The following MID1 variants were observed in gnomAD, a reference collection of about 807,000 sequenced individuals.
MID1 encodes E3 ubiquitin-protein ligase Midline-1.
Under a neutral mutation model 40.4 loss-of-function variants are expected in MID1, and 7 were observed. The observed-to-expected ratio is 0.17, with a 90% CI of 0.10 to 0.33. The LOEUF (loss-of-function observed/expected upper bound fraction) is 0.33. MID1 is among the 10% of genes least tolerant of loss of function. MID1 has a pLI of 1.00. For missense variants in MID1, 367 were observed against 558.5 expected, an observed-to-expected ratio of 0.66 and a Z score of 3.46; for synonymous variants, 229 against 221.2, an observed-to-expected ratio of 1.04 and a Z score of -0.31.
In MID1 at chrX:10,591,576, C is replaced by T. The variant is rs770000806; in HGVS notation, c.-56-23973G>A. Among the ~76,000 whole-genome samples the T allele has an allele frequency of 7.2e-5, 8 of 111,845 alleles. No individual in the cohort carries two copies. The East Asian group carries it at 1.1e-3, about 16-fold the overall frequency. Reference sequence around the variant, plus strand: ...ATGGCAAGGATGCTGGTGACTTCACCGAAGGGAGCTTTATTGTGCCGGAGC... The same window carrying T: ...ATGGCAAGGATGCTGGTGACTTCACTGAAGGGAGCTTTATTGTGCCGGAGC... On this transcript the variant is annotated intron_variant, in intron 1 of 9. Coordinates refer to ENST00000317552, the MANE Select transcript of MID1 (RefSeq NM_000381.4).
chrX:10,608,596 G>A (rs763331312), intron 1 of MID1, among the ~76,000 whole-genome samples: 1 of 111,362 alleles, frequency 9.0e-6, no homozygotes, highest in Non-Finnish European at 1.9e-5. Flanking sequence ...GTAAGGGGTG[G>A]GTAAAGGGTG....
At position 10,597,826 on chromosome X, in the gene MID1, G is replaced by C. The variant is rs767657633; in HGVS notation, c.-57+22464C>G. Among the ~76,000 whole-genome samples the C allele has an allele frequency of 7.2e-5, 8 of 111,142 alleles. No individual in the cohort carries two copies. In the South Asian group the frequency reaches 2.7e-3, roughly 37 times the overall value. On this transcript the variant is annotated intron_variant, in intron 1 of 9. Transcript: ENST00000317552. ...GAATACATTTTTAACTCATTTCTTA[G>C]TTGCAGAAACCAAGGTTCCAAGCAG...
At chrX:10,576,312 A>G (rs1453943565) in intron 1 of MID1, among the ~76,000 whole-genome samples, 1 of 111,251 alleles carries the variant, frequency 9.0e-6, no homozygotes, top group Admixed American at 9.6e-5. Context: ...ACATTCTTTA[A>G]AATAATCACA....
intron 1 of MID1, among the ~76,000 whole-genome samples, chrX:10,793,185 C>T (rs1022829213): frequency 8.9e-6 from 1 of 112,609 alleles, no homozygotes; most frequent in Non-Finnish European, 1.9e-5. Context: ...GTCATGGACA[C>T]CTGATCTGCT....
chrX:10,809,006 G>A (rs1365428871), intron 1 of MID1, among the ~76,000 whole-genome samples: 3 of 111,108 alleles, frequency 2.7e-5, no homozygotes, highest in Non-Finnish European at 5.7e-5. Context: ...CAGAATGGGG[G>A]AAAAATTTTG....
intron 1 of MID1, among the ~76,000 whole-genome samples, chrX:10,662,092 G>T (rs752305177): frequency 8.9e-6 from 1 of 111,774 alleles, no homozygotes; most frequent in Admixed American, 9.5e-5. Flanking sequence ...ATCACCTGAG[G>T]TCAGGAGTTT....
intron 1 of MID1, among the ~76,000 whole-genome samples, chrX:10,572,649 A>C (rs1275821765): frequency 8.9e-6 from 1 of 111,781 alleles, no homozygotes; most frequent in Non-Finnish European, 1.9e-5. Flanking sequence ...CCTCAAAAAA[A>C]AAAAAAAACT....
intron 1 of MID1, among the ~76,000 whole-genome samples, chrX:10,660,378 C>T (rs1284845735): frequency 8.9e-6 from 1 of 112,247 alleles, no homozygotes; most frequent in African/African-American, 3.2e-5. Flanking sequence ...AGGAAGCTGC[C>T]CACAGCAGCC....
intron 3 of MID1, among the ~76,000 whole-genome samples, chrX:10,501,008 A>G (rs1931511891): frequency 8.9e-6 from 1 of 111,811 alleles, no homozygotes; most frequent in African/African-American, 3.3e-5. Flanking sequence ...GATGAAATAC[A>G]GCTTAAAATT....
At chrX:10,516,941 A>G (rs1173060284) in intron 3 of MID1, among the ~76,000 whole-genome samples, 3 of 111,515 alleles carry the variant, frequency 2.7e-5, no homozygotes, top group Non-Finnish European at 3.8e-5. Flanking sequence ...CGTTTTAAAA[A>G]TGTTTGGCAC....
At chrX:10,709,636 TC>T (rs2043253626) in intron 1 of MID1, among the ~76,000 whole-genome samples, 1 of 112,074 alleles carries the variant, frequency 8.9e-6, no homozygotes, top group Admixed American at 9.5e-5. Context: ...GAAACTTGAG[TC>T]CAAATTTATA....
intron 1 of MID1, among the ~76,000 whole-genome samples, chrX:10,687,967 C>T (rs1007246087): frequency 5.4e-5 from 6 of 111,301 alleles, no homozygotes; most frequent in African/African-American, 2.0e-4. Context: ...ATCCTCCTCC[C>T]GTCGCTTCCC....
At position 10,823,958 on chromosome X, in the gene MID1, ATAT is replaced by A. The variant is rs199815212; in HGVS notation, c.-187+9593_-187+9595del. Among the ~76,000 whole-genome samples, 496 of 112,393 alleles carry A rather than the reference ATAT, an allele frequency of 4.4e-3. 4 individuals carry two copies. The highest frequency in any genetic ancestry group is 0.014 in the African/African-American group (442 of 30,997). ...TACAACACACACACATATACACAAC[ATAT>A]TATTTTATTCACAGAAGGCAGGTCA... On this transcript the variant is annotated intron_variant, in intron 1 of 10. Coordinates refer to the MID1 transcript ENST00000380785.
intron 1 of MID1, among the ~76,000 whole-genome samples, chrX:10,571,538 C>A (rs1211538982): frequency 1.0e-5 from 1 of 96,402 alleles, no homozygotes; most frequent in Admixed American, 1.2e-4. Context: ...TACTTAAGTT[C>A]ATCTATGTAC....
chrX:10,780,139 T>G (rs1446748892), intron 1 of MID1, among the ~76,000 whole-genome samples: 3 of 110,440 alleles, frequency 2.7e-5, no homozygotes, highest in African/African-American at 9.9e-5. Flanking sequence ...CTAACTTTTG[T>G]ATTTTTAGTA....
rs373162258 is a variant in MID1 at position 10,449,720 on chromosome X, C to T, written c.1656-4G>A. 5.1e-6 allele frequency: 6 copies of T among 1,184,137 alleles called. No individual in the cohort carries two copies. The highest frequency in any genetic ancestry group is 3.6e-5 in the South Asian group (2 of 55,925). ...GTAAGCAAGACCAATGGCATACCTG[C>T]GGAAACAAAACAGCAACAACAAAAA... On this transcript the variant is annotated splice_region_variant and splice_polypyrimidine_tract_variant and intron_variant, in intron 9 of 9. Coordinates refer to ENST00000317552, the MANE Select transcript of MID1 (RefSeq NM_000381.4).
intron 1 of MID1, among the ~76,000 whole-genome samples, chrX:10,773,005 AT>A (rs1287077365): frequency 1.9e-4 from 21 of 111,649 alleles, no homozygotes; most frequent in Admixed American, 1.7e-3. Flanking sequence ...GATTAAAAAA[AT>A]AAATTGGTTA....
chrX:10,673,286 A>G (rs1334579398), intron 1 of MID1, among the ~76,000 whole-genome samples: 1 of 111,407 alleles, frequency 9.0e-6, no homozygotes, highest in Non-Finnish European at 1.9e-5. Flanking sequence ...CTGTGTCGGT[A>G]TAGAAACCTA....
chrX:10,505,929 T>G (rs914609823), intron 3 of MID1: 1 of 754,811 alleles, frequency 1.3e-6, no homozygotes, highest in Non-Finnish European at 1.6e-6. Context: ...TTCTGCAAAG[T>G]TCTGGAAAAT....
Sources: allele counts gnomAD v4.1 joint callset (sites outside exome capture counted in the v4.1 genomes callset), GRCh38; gene constraint gnomAD v4.1.1; transcripts MANE v1.5; gene names NCBI Gene and HGNC (gene_info 2026-07-23, HGNC 2026-07-21).